ASGR1: variants seen among roughly 807,000 people sequenced by gnomAD.
ASGR1 encodes asialoglycoprotein receptor 1.
Under a neutral mutation model 33.1 loss-of-function variants are expected in ASGR1, and 35 were observed. The observed-to-expected ratio is 1.06, with a 90% confidence interval of 0.81 to 1.40. The LOEUF (loss-of-function observed/expected upper bound fraction) is 1.40, where lower values mean the gene tolerates loss of function less well. ASGR1 is among the 40% of genes most tolerant of loss of function. The pLI, the probability that ASGR1 is intolerant of heterozygous loss-of-function variation, is 0.00. For synonymous variants in ASGR1, 142 were observed against 152.5 expected, an observed-to-expected ratio of 0.93 and a Z score of 0.51; for missense variants, 396 against 373.7, an observed-to-expected ratio of 1.06 and a Z score of -0.49.
chr17:7,175,673 A>T (rs555141067), intron 5 of ASGR1, among the ~76,000 whole-genome samples: 2 of 149,788 alleles, frequency 1.3e-5, no homozygotes, highest in Non-Finnish European at 3.0e-5. Flanking sequence ...ATAAACACAG[A>T]CTCACATTCG....
rs200584799 is a variant in ASGR1, at chr17:7,173,803, C to T, written c.732G>A (p.Trp244Ter). ...CGCCTCCTCCGAGCCCGTGGCCGTA[C>T]CAGTCGTCCGGCTGCTCCGGCCTCC... ...KNWRPEQPDD[W>*]YGHGLGGGED... The change falls in exon 9 of 9, where the codon TGG becomes TGA. Residue 244 changes from tryptophan to a stop codon, truncating the protein, a stop_gained. Transcript: ENST00000269299. LOFTEE classifies it low-confidence loss of function (END_TRUNC). The surrounding 1 kb of genome is among the most constrained non-coding windows in gnomAD (Gnocchi z 4.7). 93 of 1,611,708 alleles carry T rather than the reference C, an allele frequency of 5.8e-5. No individual in the cohort carries two copies. Among genetic ancestry groups the T allele is most frequent in the Middle Eastern group, 3.3e-4 (2 of 6,082 alleles).
chr17:7,176,578 AGACT>A (rs1434399683), intron 5 of ASGR1: 1 of 557,350 alleles, frequency 1.8e-6, no homozygotes, highest in Non-Finnish European at 3.2e-6. Context: ...TCTCACACAC[AGACT>A]CACACACACT....
In ASGR1 at chr17:7,173,586, C is replaced by G; in HGVS notation, c.*73G>C. The G allele has an allele frequency of 6.3e-7, 1 of 1,588,074 alleles. No individual in the cohort carries two copies. Among genetic ancestry groups the G allele is most frequent in the Non-Finnish European group, 8.6e-7 (1 of 1,165,114 alleles). ...TCCTAGATGAAAATTCCCGAGAAAGCAGAAGAGGCCCCCAGATGGGCGGAT... is the reference window on the plus strand; with the variant it reads ...TCCTAGATGAAAATTCCCGAGAAAGGAGAAGAGGCCCCCAGATGGGCGGAT... On this transcript the variant is annotated 3_prime_UTR_variant, in exon 9 of 9. Coordinates refer to ENST00000269299, the MANE Select transcript of ASGR1 (RefSeq NM_001671.5). This position sits in a 1 kb window ranked among gnomAD's most constrained non-coding sequence, Gnocchi z 4.7.
At chr17:7,175,102 AACAC>A (rs530642922) in intron 5 of ASGR1, among the ~76,000 whole-genome samples, 4 of 131,580 alleles carry the variant, frequency 3.0e-5, no homozygotes, top group Admixed American at 1.5e-4. Context: ...CAACACACAA[AACAC>A]ACAAACACAC....
At chr17:7,177,384 A>G in intron 2 of ASGR1, 58 bp from the exon 3 acceptor site, 1 of 1,440,474 alleles carries the variant, frequency 6.9e-7, no homozygotes, top group Admixed American at 1.8e-5. Context: ...GCACAGCTCC[A>G]GGGTCCTAAA....
At chr17:7,174,344 G>T in intron 6 of ASGR1, 30 bp downstream of exon 6, 6 of 1,613,818 alleles carry the variant, frequency 3.7e-6, no homozygotes, top group Non-Finnish European at 5.1e-6. Context: ...AAGGGGGGAG[G>T]CAGAGAGCGG....
chr17:7,178,882 G>C (rs2069247106), intron 1 of ASGR1: 1 of 239,222 alleles, frequency 4.2e-6, no homozygotes, highest in Admixed American at 5.2e-5. Context: ...GACAACAGGT[G>C]CACGCCACCA....
At chr17:7,174,340 G>A (rs950228901) in intron 6 of ASGR1, 34 bp downstream of exon 6, 2 of 1,613,732 alleles carry the variant, frequency 1.2e-6, no homozygotes, top group Non-Finnish European at 1.7e-6. Context: ...AGAGAAGGGG[G>A]GAGGCAGAGA....
intron 5 of ASGR1, among the ~76,000 whole-genome samples, chr17:7,175,170 C>G (rs2069181732): frequency 6.7e-6 from 1 of 149,028 alleles, no homozygotes. Flanking sequence ...ACACAATACA[C>G]CCTCACGCAT....
intron 5 of ASGR1, among the ~76,000 whole-genome samples, chr17:7,176,036 ACTCC>A (rs2069198541): frequency 1.3e-5 from 1 of 77,262 alleles, no homozygotes; most frequent in Non-Finnish European, 2.9e-5. Context: ...ACACACACCC[ACTCC>A]CTCATTCACA....
Position 7,176,975 on chromosome 17 carries a change from C to T in ASGR1, c.283+6G>A. On this transcript the variant is annotated splice_donor_region_variant and intron_variant, in intron 4 of 8. Transcript: ENST00000269299. ...CCCAGCCCCAGCCCCGCCCCAGCGC[C>T]CTCACCCTGGGTGCTCAAGCCCTTG... The T allele has an allele frequency of 6.2e-7, 1 of 1,607,482 alleles. No homozygotes were observed.
At position 7,173,909 on chromosome 17, in the gene ASGR1, C is replaced by G. The variant is rs755346951; in HGVS notation, c.701+52G>C. On this transcript the variant is annotated intron_variant, in intron 8 of 8. Coordinates refer to ENST00000269299, the MANE Select transcript of ASGR1 (RefSeq NM_001671.5). The surrounding 1 kb of genome is among the most constrained non-coding windows in gnomAD (Gnocchi z 4.7). ...TCGCTCCAGACTCCTCAGCCCAGGG[C>G]CCCAGGGCGCGAAGGCGGCCGGACC... is the stretch of plus-strand genomic sequence containing the variant. 1 of 1,611,380 alleles carries G rather than the reference C, an allele frequency of 6.2e-7. No individual in the cohort carries two copies. The highest frequency in any genetic ancestry group is 8.5e-7 in the Non-Finnish European group (1 of 1,179,122).
chr17:7,176,470 CTG>C lies in ASGR1; in HGVS notation c.355+358_355+359del, dbSNP rs202036156. ...ACACACTCCCTCTCATTCCCACAGA[CTG>C]TCTCACACACACTCTATCTCATTCT... On this transcript the variant is annotated intron_variant, in intron 5 of 8. Transcript: ENST00000269299. 1,086 of 396,500 alleles carry C rather than the reference CTG, an allele frequency of 2.7e-3. 12 individuals carry two copies. Among genetic ancestry groups the C allele is most frequent in the African/African-American group, 0.019 (888 of 47,446 alleles). 24.6% of individuals were successfully genotyped at this position (396,500 alleles called of 1,614,324 possible).
chr17:7,177,372 T>C (rs372278962), intron 2 of ASGR1, 46 bp from the exon 3 acceptor site: 7 of 1,513,552 alleles, frequency 4.6e-6, no homozygotes, highest in African/African-American at 1.4e-5. Context: ...GAGGGGACCC[T>C]GGCACAGCTC....
In ASGR1 at chr17:7,176,541, TCTCATTCTCACACACACACAC is replaced by T. The variant is rs2069213725; in HGVS notation, c.355+268_355+288del. 3.3e-5 allele frequency: 12 copies of T among 365,176 alleles called. 1 individual carries two copies. Among genetic ancestry groups the T allele is most frequent in the South Asian group, 3.1e-4 (12 of 38,446 alleles). 22.6% of individuals were successfully genotyped at this position (365,176 alleles called of 1,614,324 possible). A position where few individuals can be genotyped will look rare whatever the true frequency, so the allele number is the denominator to read the frequency against. ...CCCTCTCATTCCCACACACACACCA[TCTCATTCTCACACACACACAC>T]CTCATTCTCACACACAGACTCACAC... On this transcript the variant is annotated intron_variant, in intron 5 of 8. Coordinates refer to ENST00000269299, the MANE Select transcript of ASGR1 (RefSeq NM_001671.5).
chr17:7,178,439 G>A lies in ASGR1; in HGVS notation c.70+55C>T, dbSNP rs1347862426. On this transcript the variant is annotated intron_variant, in intron 2 of 8. Coordinates refer to ENST00000269299, the MANE Select transcript of ASGR1 (RefSeq NM_001671.5). ...GGCAAGAGTAGGAGCTGTGGCTGGG[G>A]GGTGGAGAACCGCCAAATTCTCGCC... is the stretch of plus-strand genomic sequence containing the variant. 15 of 1,536,542 alleles carry A rather than the reference G, an allele frequency of 9.8e-6. No homozygotes were observed. In the Admixed American group the frequency reaches 2.0e-4, roughly 21 times the overall value.
In ASGR1 at chr17:7,176,896, T is replaced by G; in HGVS notation, c.289A>C (p.Asn97His). 1 of 1,613,180 alleles carries G rather than the reference T, an allele frequency of 6.2e-7. No homozygotes were observed. The highest frequency in any genetic ancestry group is 8.5e-7 in the Non-Finnish European group (1 of 1,179,992). ...AGCGACTTCATCTTTCTTCCCACAT[T>G]GCCTCCTGCGGGAGAGGCTCGCTCA... ...QVKGLSTQGGNVGRKMKSLES... is the reference protein window; with the variant it reads ...QVKGLSTQGGHVGRKMKSLES... Residue 97 changes from asparagine (N) to histidine (H), a missense_variant, in exon 5 of 9, where the codon AAT becomes CAT. Asn to His is a moderately conservative substitution (Grantham distance 68). Transcript: ENST00000269299.
In ASGR1 at chr17:7,174,183, C is replaced by A. The variant is rs1166336672; in HGVS notation, c.549G>T (p.Arg183=). The change falls in exon 7 of 9, where the codon CGG becomes CGT. Residue 183 remains arginine, a synonymous_variant. Transcript: ENST00000269299. ...KAWADADNYC[R]LEDAHLVVVT... ...CCACCACCAGGTGCGCGTCCTCCAG[C>A]CGGCAGTAGTTGTCGGCGTCAGCCC... 12 of 1,614,064 alleles carry A rather than the reference C, an allele frequency of 7.4e-6. No individual in the cohort carries two copies. The highest frequency in any genetic ancestry group is 1.0e-5 in the Non-Finnish European group (12 of 1,180,026).
At chr17:7,176,629 C>T in intron 5 of ASGR1, 2 of 679,882 alleles carry the variant, frequency 2.9e-6, no homozygotes, top group East Asian at 2.7e-5. Context: ...TACACACTCC[C>T]TCTCATTCTC....
Sources: allele counts gnomAD v4.1 joint callset (sites outside exome capture counted in the v4.1 genomes callset), GRCh38; gene constraint gnomAD v4.1.1; non-coding constraint Gnocchi (gnomAD v3.1); transcripts MANE v1.5; gene names NCBI Gene and HGNC (gene_info 2026-07-23, HGNC 2026-07-21).